UBR3: variants seen among roughly 807,000 people sequenced by gnomAD.
UBR3 encodes E3 ubiquitin-protein ligase UBR3.
UBR3 carries 85 observed loss-of-function variants against 243.2 expected under a neutral mutation model. That is an observed-to-expected ratio of 0.35 (90% confidence interval 0.29 to 0.42). The LOEUF (loss-of-function observed/expected upper bound fraction) is 0.42, where lower values mean the gene tolerates loss of function less well. UBR3 is among the 10% of genes least tolerant of loss of function. The pLI, the probability that UBR3 is intolerant of heterozygous loss-of-function variation, is 1.00. For synonymous variants in UBR3, 748 were observed against 799.8 expected, an observed-to-expected ratio of 0.94 and a Z score of 1.09; for missense variants, 1,686 against 2,300.8, an observed-to-expected ratio of 0.73 and a Z score of 5.47.
intron 27 of UBR3, among the ~76,000 whole-genome samples, chr2:170,003,875 C>T (rs1219559713): frequency 1.3e-5 from 2 of 152,238 alleles, no homozygotes; most frequent in African/African-American, 2.4e-5. Context: ...CTCCTGACCT[C>T]GTGATCCATC....
At chr2:169,858,299 C>G (rs6433153) in intron 1 of UBR3, among the ~76,000 whole-genome samples, 148,833 of 152,348 alleles carry the variant, frequency 0.98, 72,784 homozygotes, top group East Asian at 1. Context: ...TTATCATAAG[C>G]CTGCTTGAAA....
At chr2:169,847,966 G>C (rs2082538276) in intron 1 of UBR3, among the ~76,000 whole-genome samples, 1 of 152,030 alleles carries the variant, frequency 6.6e-6, no homozygotes, top group Non-Finnish European at 1.5e-5. Flanking sequence ...TTACTTTTTA[G>C]TACTCTGTCC....
intron 26 of UBR3, among the ~76,000 whole-genome samples, chr2:169,996,710 TTTA>T (rs2089496642): frequency 2.8e-5 from 4 of 145,134 alleles, no homozygotes; most frequent in Admixed American, 7.0e-5. Flanking sequence ...TTTTTTTTTT[TTTA>T]GATAGAGTCT....
chr2:169,966,422 A>G (rs1202752135), intron 24 of UBR3, among the ~76,000 whole-genome samples: 3 of 152,186 alleles, frequency 2.0e-5, no homozygotes, highest in South Asian at 2.1e-4. Flanking sequence ...AGAAGGAACA[A>G]TTTTATCCCT....
chr2:169,918,759 T>C (rs1382590534), intron 11 of UBR3, among the ~76,000 whole-genome samples: 5 of 152,176 alleles, frequency 3.3e-5, no homozygotes, highest in African/African-American at 4.8e-5. Flanking sequence ...ATTGTGAGTT[T>C]GTAGCAGGGT....
At chr2:170,047,676 G>GT (rs2091122487) in intron 32 of UBR3, among the ~76,000 whole-genome samples, 1 of 152,178 alleles carries the variant, frequency 6.6e-6, no homozygotes, top group South Asian at 2.1e-4. Context: ...ACTTTCTGTG[G>GT]TTTTTGTTAC....
intron 11 of UBR3, among the ~76,000 whole-genome samples, chr2:169,922,220 A>G (rs931918838): frequency 6.8e-6 from 1 of 147,346 alleles, no homozygotes; most frequent in Non-Finnish European, 1.5e-5. Context: ...CGGGAGGTGG[A>G]GGTTGCAGCG....
chr2:169,905,988 G>C (rs2084997132), intron 9 of UBR3, 43 bp from the exon 10 acceptor site: 1 of 1,538,632 alleles, frequency 6.5e-7, no homozygotes, highest in Non-Finnish European at 8.8e-7. Context: ...ATGAATGTGT[G>C]CTTCCACTTG....
chr2:170,040,523 A>G (rs1344550351), intron 31 of UBR3, among the ~76,000 whole-genome samples: 2 of 152,194 alleles, frequency 1.3e-5, no homozygotes, highest in Non-Finnish European at 2.9e-5. Flanking sequence ...TAAGTTTGTG[A>G]TAAGTATCCT....
chr2:169,926,863 A>G lies in UBR3; in HGVS notation c.2230A>G (p.Met744Val), dbSNP rs764875333. 59 of 1,549,398 alleles carry G rather than the reference A, an allele frequency of 3.8e-5. No homozygotes were observed. Among genetic ancestry groups the G allele is most frequent in the South Asian group, 1.4e-4 (12 of 83,626 alleles). ...ERFKVVDLLT[M>V]ASQHQNTVLD... ...ATTTAAGGTAGTGGATTTGTTGACA[A>G]TGGCATCACAACATCAAAATACAGT... The change falls in exon 16 of 39, where the codon ATG becomes GTG. Residue 744 changes from methionine (M) to valine (V), a missense_variant. Met to Val is a conservative substitution (Grantham distance 21). Coordinates refer to ENST00000272793, the MANE Select transcript of UBR3 (RefSeq NM_172070.4).
At chr2:169,831,217 C>T (rs150844591) in intron 1 of UBR3, among the ~76,000 whole-genome samples, 253 of 142,082 alleles carry the variant, frequency 1.8e-3, no homozygotes, top group African/African-American at 6.2e-3. Context: ...CTTGGCTCAC[C>T]GCAACCTCTG....
intron 24 of UBR3, among the ~76,000 whole-genome samples, chr2:169,961,969 A>G (rs968475056): frequency 3.4e-5 from 5 of 146,914 alleles, no homozygotes; most frequent in African/African-American, 7.5e-5. Context: ...GTAGTCTTCT[A>G]CATAGAAGTG....
chr2:169,984,259 A>G (rs573297577), intron 24 of UBR3, among the ~76,000 whole-genome samples: 1 of 152,294 alleles, frequency 6.6e-6, no homozygotes, highest in African/African-American at 2.4e-5. Flanking sequence ...CTTTTTATTG[A>G]AATATACTCA....
intron 32 of UBR3, among the ~76,000 whole-genome samples, chr2:170,051,685 A>G (rs1221635751): frequency 6.6e-6 from 1 of 152,214 alleles, no homozygotes; most frequent in Non-Finnish European, 1.5e-5. Context: ...ATATGTATGT[A>G]TAGTTTAAGA....
chr2:169,885,570 C>T (rs981506335), intron 5 of UBR3, among the ~76,000 whole-genome samples: 3 of 151,478 alleles, frequency 2.0e-5, no homozygotes, highest in African/African-American at 7.3e-5. Flanking sequence ...AGAAGGAGAC[C>T]CTGTCTCAAA....
At position 169,994,442 on chromosome 2, in the gene UBR3, C is replaced by A. The variant is rs768348450; in HGVS notation, c.3904C>A (p.Arg1302Ser). The change falls in exon 26 of 39, where the codon CGT (arginine) becomes AGT (serine). Residue 1302 changes from arginine (R) to serine (S), a missense_variant. Arg to Ser is a moderately radical substitution (Grantham distance 110, BLOSUM62 -1). Around this residue, in one of 8 missense-constraint regions of UBR3, gnomAD observed 156 missense variants for 246.3 expected, o/e 0.63. Coordinates refer to ENST00000272793, the MANE Select transcript of UBR3 (RefSeq NM_172070.4). ...TGATGTGAGGCTTTCATTATTACAG[C>A]GTTATTTTAAGGATGTAAGTACTCT... Reference protein sequence around the residue: ...VHDVRLSLLQRYFKDSSCLLA... With the variant: ...VHDVRLSLLQSYFKDSSCLLA... 6.2e-6 allele frequency: 10 copies of A among 1,613,882 alleles called. No individual in the cohort carries two copies. Among genetic ancestry groups the A allele is most frequent in the Non-Finnish European group, 7.6e-6 (9 of 1,179,872 alleles).
In UBR3 at chr2:169,905,235, A is replaced by AT; in HGVS notation, c.1592dup (p.Leu531PhefsTer34). The AT allele has an allele frequency of 6.5e-7, 1 of 1,543,858 alleles. No individual in the cohort carries two copies. Among genetic ancestry groups the AT allele is most frequent in the Admixed American group, 2.0e-5 (1 of 50,026 alleles). The stretch of plus-strand genomic sequence containing the variant: ...TTTCTCATCAAAGTGTGGCCAAGAG[A>AT]TTTTTGGAGGATCACGGTTTGTTAG... On this transcript the variant is annotated frameshift_variant, in exon 9 of 39. Coordinates refer to ENST00000272793, the MANE Select transcript of UBR3 (RefSeq NM_172070.4). LOFTEE classifies it high-confidence loss of function.
intron 19 of UBR3, among the ~76,000 whole-genome samples, chr2:169,937,621 T>C (rs1574242278): frequency 6.6e-6 from 1 of 152,328 alleles, no homozygotes; most frequent in East Asian, 1.9e-4. Flanking sequence ...GGTTTTCCTC[T>C]AGGGTTTTTA....
At chr2:169,841,746 C>G (rs2353702) in intron 1 of UBR3, among the ~76,000 whole-genome samples, 64,716 of 152,138 alleles carry the variant, frequency 0.43, 15,292 homozygotes, top group Non-Finnish European at 0.54. Context: ...CTCGATTTCT[C>G]TCCGGGCCTT....
Sources: allele counts gnomAD v4.1 joint callset (sites outside exome capture counted in the v4.1 genomes callset), GRCh38; gene constraint gnomAD v4.1.1; regional missense constraint gnomAD v4.1.1; transcripts MANE v1.5; gene names NCBI Gene and HGNC (gene_info 2026-07-23, HGNC 2026-07-21).